The following MRPL13 variants were observed in gnomAD, a reference collection of about 807,000 sequenced individuals.
MRPL13 encodes mitochondrial ribosomal protein L13, also known as large ribosomal subunit protein uL13m.
A neutral mutation model predicts 29.0 loss-of-function variants in MRPL13; 33 were observed. That is an observed-to-expected ratio of 1.14 (90% confidence interval 0.86 to 1.52). The LOEUF is 1.52. Ranked by LOEUF, MRPL13 falls within the 40% of genes most tolerant of loss-of-function variation. MRPL13 has a pLI of 0.00. For missense variants in MRPL13, 227 were observed against 216.7 expected (o/e 1.05, Z -0.30); for synonymous variants, 77 against 68.4 (o/e 1.13, Z -0.62).
At chr8:120,444,735 A>G (rs1813180908) in intron 1 of MRPL13, among the ~76,000 whole-genome samples, 1 of 151,968 alleles carries the variant, frequency 6.6e-6, no homozygotes, top group Non-Finnish European at 1.5e-5. Context: ...AAAGGTCCCC[A>G]TTTTACTCAG....
At chr8:120,408,219 T>A (rs947775177) in intron 6 of MRPL13, among the ~76,000 whole-genome samples, 1 of 152,248 alleles carries the variant, frequency 6.6e-6, no homozygotes, top group Non-Finnish European at 1.5e-5. Flanking sequence ...ATCAACATAC[T>A]TTTAAATAAA....
At chr8:120,428,575 T>C (rs1248827300) in intron 3 of MRPL13, among the ~76,000 whole-genome samples, 2 of 151,994 alleles carry the variant, frequency 1.3e-5, no homozygotes, top group African/African-American at 4.8e-5. Context: ...GGGAGAAAAT[T>C]TTTGCAAACT....
chr8:120,429,133 A>C (rs995953978), intron 3 of MRPL13, among the ~76,000 whole-genome samples: 1 of 152,162 alleles, frequency 6.6e-6, no homozygotes, highest in African/African-American at 2.4e-5. Flanking sequence ...AAGAAAATGT[A>C]GTACATATAT....
At chr8:120,413,254 T>G (rs1812760788) in intron 6 of MRPL13, among the ~76,000 whole-genome samples, 1 of 152,248 alleles carries the variant, frequency 6.6e-6, no homozygotes, top group South Asian at 2.1e-4. Context: ...TCCAGCACCA[T>G]GCTCAGTGCT....
At chr8:120,411,566 T>C (rs1045525236) in intron 6 of MRPL13, among the ~76,000 whole-genome samples, 1 of 152,230 alleles carries the variant, frequency 6.6e-6, no homozygotes, top group South Asian at 2.1e-4. Flanking sequence ...TGATTTATAT[T>C]AAATGACTAG....
At chr8:120,406,024 T>C (rs550068111) in intron 6 of MRPL13, among the ~76,000 whole-genome samples, 2 of 152,328 alleles carry the variant, frequency 1.3e-5, no homozygotes, top group East Asian at 1.9e-4. Flanking sequence ...TAACAAATTA[T>C]GTAGTTTTAA....
chr8:120,442,138 A>G (rs914369876), intron 2 of MRPL13, among the ~76,000 whole-genome samples: 2 of 152,338 alleles, frequency 1.3e-5, no homozygotes, highest in African/African-American at 4.8e-5. Context: ...CATCGAGAAA[A>G]TGCAAATTGA....
intron 6 of MRPL13, among the ~76,000 whole-genome samples, chr8:120,400,785 A>T (rs1205043641): frequency 6.6e-6 from 1 of 151,818 alleles, no homozygotes; most frequent in Non-Finnish European, 1.5e-5. Context: ...GAGAAGAGAG[A>T]GGAGAATCAG....
In MRPL13 at chr8:120,445,080, A is replaced by C. The variant is rs369141781; in HGVS notation, c.15T>G (p.Ser5=). Residue 5 remains serine, a synonymous_variant, in exon 1 of 7, where the codon TCT becomes TCG. Coordinates refer to ENST00000306185, the MANE Select transcript of MRPL13 (RefSeq NM_014078.6). ...AGTCCGAGCTCACCTGGGGCGCCCT[A>C]GAGAAACTCGACATATTCCTCTACT... MSSF[S]RAPQQWATFA... 2 of 1,613,952 alleles carry C rather than the reference A, an allele frequency of 1.2e-6. No individual in the cohort carries two copies. Among genetic ancestry groups the C allele is most frequent in the Non-Finnish European group, 1.7e-6 (2 of 1,179,920 alleles).
rs1290071751 is a variant in MRPL13 at position 120,419,849 on chromosome 8, T to C, written c.393+3A>G. 6.3e-7 allele frequency: 1 copy of C among 1,589,120 alleles called. No homozygotes were observed. Among genetic ancestry groups the C allele is most frequent in the East Asian group, 2.3e-5 (1 of 43,668 alleles). On this transcript the variant is annotated splice_donor_region_variant and intron_variant, in intron 5 of 6. Transcript: ENST00000306185. The stretch of plus-strand genomic sequence containing the variant: ...GCATTGTTACCAATGACCACTGACT[T>C]ACCTCATCTGGAAAAAGATGCAACC...
intron 3 of MRPL13, among the ~76,000 whole-genome samples, chr8:120,429,995 C>T (rs1380234991): frequency 6.6e-6 from 1 of 152,190 alleles, no homozygotes; most frequent in Non-Finnish European, 1.5e-5. Context: ...GGTGCAGTGG[C>T]TCACGCCTGT....
intron 4 of MRPL13, among the ~76,000 whole-genome samples, chr8:120,424,915 A>C (rs1812915177): frequency 6.6e-6 from 1 of 152,178 alleles, no homozygotes. Flanking sequence ...AACTCAGATA[A>C]TACTCGAGTT....
At chr8:120,400,375 T>C (rs888511772) in intron 6 of MRPL13, among the ~76,000 whole-genome samples, 3 of 152,110 alleles carry the variant, frequency 2.0e-5, no homozygotes, top group African/African-American at 7.2e-5. Flanking sequence ...CCTGAATGAC[T>C]CCTGGGTCAA....
intron 5 of MRPL13, among the ~76,000 whole-genome samples, chr8:120,416,990 G>A (rs1812810983): frequency 6.6e-6 from 1 of 152,124 alleles, no homozygotes; most frequent in Non-Finnish European, 1.5e-5. Context: ...CATGCATTTA[G>A]TTACTATATT....
At chr8:120,437,413 G>T (rs1813067383) in intron 2 of MRPL13, among the ~76,000 whole-genome samples, 1 of 152,054 alleles carries the variant, frequency 6.6e-6, no homozygotes, top group South Asian at 2.1e-4. Context: ...TCTAATTTTA[G>T]CAAAGCTAAA....
rs201756990 is a variant in MRPL13 at position 120,443,315 on chromosome 8, G to A, written c.28-7C>T. ...TAGCAAAAGTGGCCCATTGCTTGGG[G>A]GGGAAAAAAAAAAAAAAGAAGAGGA... On this transcript the variant is annotated splice_polypyrimidine_tract_variant and splice_region_variant and intron_variant, in intron 1 of 6. Transcript: ENST00000306185. The A allele has an allele frequency of 1.7e-3, 2,552 of 1,469,226 alleles. 14 individuals carry two copies. The African/African-American group carries it at 0.032, about 18-fold the overall frequency. The allele number at this position is 1,469,226 out of a possible 1,614,324, so 91.0% of individuals were successfully genotyped here.
At chr8:120,418,395 C>T (rs1812830064) in intron 5 of MRPL13, among the ~76,000 whole-genome samples, 1 of 152,026 alleles carries the variant, frequency 6.6e-6, no homozygotes. Context: ...GATCAAGGAT[C>T]AATCTCCTGA....
chr8:120,395,852 C>A lies in MRPL13; in HGVS notation c.*252G>T. ...TTAAATGCAACACTAAATAGTCAAC[C>A]AAGTAAGTGATTTTATTATTATCAA... is the stretch of plus-strand genomic sequence containing the variant. On this transcript the variant is annotated 3_prime_UTR_variant, in exon 7 of 7. Transcript: ENST00000306185. 2.8e-6 allele frequency: 1 copy of A among 356,134 alleles called. No individual in the cohort carries two copies. 22.1% of individuals were successfully genotyped at this position (356,134 alleles called of 1,614,324 possible). A position where few individuals can be genotyped will look rare whatever the true frequency, so the allele number is the denominator to read the frequency against.
intron 3 of MRPL13, among the ~76,000 whole-genome samples, chr8:120,426,380 G>T (rs1387709912): frequency 6.6e-6 from 1 of 152,090 alleles, no homozygotes; most frequent in Non-Finnish European, 1.5e-5. Flanking sequence ...GTCAAAGTTA[G>T]AAGTTTGCTG....
Sources: gnomAD v4.1 joint callset for allele counts (sites outside exome capture counted in the v4.1 genomes callset) on GRCh38, gnomAD v4.1.1 for gene constraint, MANE v1.5 for transcripts, NCBI Gene and HGNC (gene_info 2026-07-23, HGNC 2026-07-21) for gene names.